The following DOCK1 variants were observed in gnomAD, a reference collection of about 807,000 sequenced individuals.
DOCK1 encodes the protein dedicator of cytokinesis protein 1.
DOCK1 carries 138 observed loss-of-function variants against 262.7 expected under a neutral mutation model. The ratio of observed to expected loss-of-function variants is 0.53; its 90% CI spans 0.46 to 0.61. The LOEUF (loss-of-function observed/expected upper bound fraction) is 0.61, where lower values mean the gene tolerates loss of function less well. Ranked by LOEUF, DOCK1 falls within the 20% of genes least tolerant of loss-of-function variation. The probability of loss-of-function intolerance (pLI) is 0.00; values close to 1 mark genes in which losing one functional copy is unlikely to be tolerated. For missense variants in DOCK1, 1,908 were observed against 2,370.7 expected, an observed-to-expected ratio of 0.80 and a Z score of 4.05; for synonymous variants, 866 against 867.4, an observed-to-expected ratio of 1.00 and a Z score of 0.03.
intron 28 of DOCK1, among the ~76,000 whole-genome samples, chr10:127,253,915 C>T (rs1052757277): frequency 6.6e-6 from 1 of 150,592 alleles, no homozygotes; most frequent in African/African-American, 2.4e-5. Flanking sequence ...TTCCTGCCAC[C>T]TCAATTCATC....
At position 126,924,105 on chromosome 10, in the gene DOCK1, C is replaced by T. The variant is rs76092247; in HGVS notation, c.46+18542C>T. 3.9e-3 allele frequency among the ~76,000 whole-genome samples: 601 copies of T among 152,252 alleles called. 7 individuals carry two copies. The highest frequency in any genetic ancestry group is 0.014 in the African/African-American group (582 of 41,558). ...GAAATAGGAGAGTTGAAGGGTACCC[C>T]ACCCTCCTTGATTTCTAGTTGAGGA... On this transcript the variant is annotated intron_variant, in intron 1 of 51. Transcript: ENST00000623213.
chr10:127,403,534 C>T (rs1341043026), intron 39 of DOCK1, among the ~76,000 whole-genome samples: 2 of 152,118 alleles, frequency 1.3e-5, no homozygotes, highest in Non-Finnish European at 2.9e-5. Flanking sequence ...CTAAGGCAGG[C>T]GGATCACGAG....
In DOCK1 at chr10:127,175,947, T is replaced by C; in HGVS notation, c.2847+48183T>C. 6.2e-7 allele frequency: 1 copy of C among 1,614,242 alleles called. No homozygotes were observed. On this transcript the variant is annotated intron_variant, in intron 27 of 51. Transcript: ENST00000623213. The surrounding 1 kb of genome is among the most constrained non-coding windows in gnomAD (Gnocchi z 6.3). ...CTCCTCCATGGGTCCAGCCTCGTTC[T>C]TCTCTTTCGCATCTGTTAGAAACCC...
chr10:127,002,664 C>T (rs2040677979), intron 10 of DOCK1, among the ~76,000 whole-genome samples: 1 of 152,166 alleles, frequency 6.6e-6, no homozygotes, highest in Admixed American at 6.5e-5. Flanking sequence ...GGACATAGTT[C>T]CTTGTTTCTG....
At chr10:127,001,102 T>C (rs1032108415) in intron 10 of DOCK1, 1 of 152,328 alleles carries the variant, frequency 6.6e-6, no homozygotes, top group Non-Finnish European at 1.5e-5. Flanking sequence ...CTTTTATGGT[T>C]GCAGTACAAT....
intron 27 of DOCK1, among the ~76,000 whole-genome samples, chr10:127,219,314 G>T (rs950306620): frequency 1.3e-5 from 2 of 152,214 alleles, no homozygotes; most frequent in Non-Finnish European, 2.9e-5. Context: ...AGAAGGAAAG[G>T]CTTTGGTTGA....
intron 29 of DOCK1, among the ~76,000 whole-genome samples, chr10:127,262,030 ATGTG>A (rs779453508): frequency 0.046 from 2,016 of 43,738 alleles, 90 homozygotes; most frequent in African/African-American, 0.15. Flanking sequence ...ATGTGTGTGC[ATGTG>A]TGTGTGTGTG....
chr10:127,100,558 A>G lies in DOCK1; in HGVS notation c.2446-5673A>G, dbSNP rs183413780. On this transcript the variant is annotated intron_variant, in intron 23 of 51. Coordinates refer to ENST00000623213, the MANE Select transcript of DOCK1 (RefSeq NM_001290223.2). The surrounding 1 kb of genome is among the most constrained non-coding windows in gnomAD (Gnocchi z 5.5). ...CTCAGGAGGAAGGGGAGCCCTGGAG[A>G]TGGATCAGAATTGGGAGTCATTGGC... 1.4e-4 allele frequency among the ~76,000 whole-genome samples: 22 copies of G among 151,966 alleles called. No homozygotes were observed. The highest frequency in any genetic ancestry group is 4.8e-4 in the African/African-American group (20 of 41,450).
chr10:127,176,484 G>A lies in DOCK1; in HGVS notation c.2847+48720G>A, dbSNP rs2055172287. On this transcript the variant is annotated intron_variant, in intron 27 of 51. Transcript: ENST00000623213. This position sits in a 1 kb window ranked among gnomAD's most constrained non-coding sequence, Gnocchi z 4.4. The stretch of plus-strand genomic sequence containing the variant: ...GGCCGCACAAACTTTTAGCCACCAC[G>A]ACGACTGCCTGTTTCCTAATTATAT... 2 of 1,104,302 alleles carry A rather than the reference G, an allele frequency of 1.8e-6. No individual in the cohort carries two copies. The highest frequency in any genetic ancestry group is 2.6e-6 in the Non-Finnish European group (2 of 772,300). 68.4% of individuals were successfully genotyped at this position (1,104,302 alleles called of 1,614,324 possible). A position where few individuals can be genotyped will look rare whatever the true frequency, so the allele number is the denominator to read the frequency against.
intron 10 of DOCK1, among the ~76,000 whole-genome samples, chr10:127,004,784 C>CCCCA (rs1554970531): frequency 1.1e-4 from 11 of 98,412 alleles, no homozygotes; most frequent in Non-Finnish European, 2.0e-4. Flanking sequence ...CCCCCCGCCC[C>CCCCA]AAAAAAAAGA....
At chr10:127,049,436 T>G (rs1209078827) in intron 21 of DOCK1, among the ~76,000 whole-genome samples, 1 of 151,920 alleles carries the variant, frequency 6.6e-6, no homozygotes, top group African/African-American at 2.4e-5. Flanking sequence ...CAGTAGAATC[T>G]CGTGAACTTG....
rs577836279 is a variant in DOCK1 at position 127,063,918 on chromosome 10, G to A, written c.2445+2142G>A. On this transcript the variant is annotated intron_variant, in intron 23 of 51. Coordinates refer to ENST00000623213, the MANE Select transcript of DOCK1 (RefSeq NM_001290223.2). ...CAAACCTTACATCTGCAAGACAGAC[G>A]CACGGCGTTTTATTAGGCATGTCAC... Among the ~76,000 whole-genome samples, 8 of 152,264 alleles carry A rather than the reference G, an allele frequency of 5.3e-5. No individual in the cohort carries two copies. The South Asian group carries it at 1.5e-3, about 28-fold the overall frequency.
intron 23 of DOCK1, among the ~76,000 whole-genome samples, chr10:127,074,051 C>A (rs2046379522): frequency 6.6e-6 from 1 of 152,074 alleles, no homozygotes; most frequent in Non-Finnish European, 1.5e-5. Flanking sequence ...ACCACTATAG[C>A]ATTATCAAGA....
intron 27 of DOCK1, among the ~76,000 whole-genome samples, chr10:127,178,467 A>G (rs1411547311): frequency 6.6e-6 from 1 of 152,132 alleles, no homozygotes; most frequent in Admixed American, 6.6e-5. Flanking sequence ...GCTCCCTCCC[A>G]GTGTGACAAC....
At position 127,410,022 on chromosome 10, in the gene DOCK1, CTT is replaced by C. The variant is rs1239344136; in HGVS notation, c.4343+634_4343+635del. Among the ~76,000 whole-genome samples, 3 of 152,206 alleles carry C rather than the reference CTT, an allele frequency of 2.0e-5. No homozygotes were observed. The East Asian group carries it at 5.8e-4, about 29-fold the overall frequency. Reference sequence around the variant, plus strand: ...TTAGCAGATGTGTTTGATATTAAGACTTTTCTGTTCTGTTTGATCCATGTTCT... The same window carrying C: ...TTAGCAGATGTGTTTGATATTAAGACTTCTGTTCTGTTTGATCCATGTTCT... On this transcript the variant is annotated intron_variant, in intron 42 of 51. Transcript: ENST00000623213.
chr10:127,411,958 A>G (rs1210358525), intron 43 of DOCK1, among the ~76,000 whole-genome samples: 2 of 151,854 alleles, frequency 1.3e-5, no homozygotes, highest in Non-Finnish European at 2.9e-5. Flanking sequence ...TTATTTTTTT[A>G]TTTTTATTTG....
intron 1 of DOCK1, among the ~76,000 whole-genome samples, chr10:126,941,764 A>G (rs2035026875): frequency 6.7e-6 from 1 of 148,446 alleles, no homozygotes; most frequent in Non-Finnish European, 1.5e-5. Flanking sequence ...CAAAACAGAC[A>G]AAACAAAACA....
At chr10:126,970,843 C>G in intron 2 of DOCK1, 58 bp downstream of exon 2, 1 of 1,564,714 alleles carries the variant, frequency 6.4e-7, no homozygotes, top group Non-Finnish European at 8.7e-7. Context: ...CACACCTTCT[C>G]AGTGCCTGCT....
At chr10:127,115,041 C>A (rs1356267834) in intron 25 of DOCK1, among the ~76,000 whole-genome samples, 4 of 152,166 alleles carry the variant, frequency 2.6e-5, no homozygotes, top group African/African-American at 7.2e-5. Flanking sequence ...AGGCATGAGC[C>A]ACCGCGCCCG....
Sources: allele counts gnomAD v4.1 joint callset (sites outside exome capture counted in the v4.1 genomes callset), GRCh38; gene constraint gnomAD v4.1.1; non-coding constraint Gnocchi (gnomAD v3.1); transcripts MANE v1.5; gene names NCBI Gene and HGNC (gene_info 2026-07-23, HGNC 2026-07-21).